The following HPSE2 variants were observed in gnomAD, a reference collection of about 807,000 sequenced individuals.
HPSE2 encodes inactive heparanase-2.
Under a neutral mutation model 60.5 loss-of-function variants are expected in HPSE2, and 38 were observed. The ratio of observed to expected loss-of-function variants is 0.63; its 90% confidence interval spans 0.48 to 0.82. The LOEUF (loss-of-function observed/expected upper bound fraction) is 0.82. Among genes scored for constraint, HPSE2 ranks in the 40% least tolerant of loss-of-function variants. The probability of loss-of-function intolerance (pLI) is 0.00; values close to 1 mark genes in which losing one functional copy is unlikely to be tolerated. For synonymous variants in HPSE2, 295 were observed against 293.2 expected (o/e 1.01, Z -0.06); for missense variants, 713 against 740.4 (o/e 0.96, Z 0.43).
chr10:98,810,568 G>A (rs1404468939), intron 3 of HPSE2, among the ~76,000 whole-genome samples: 3 of 152,012 alleles, frequency 2.0e-5, no homozygotes, highest in Admixed American at 1.3e-4. Context: ...TGAAGTATGA[G>A]CTTCATTAAC....
the HPSE2 span, among the ~76,000 whole-genome samples, chr10:99,266,154 G>A: frequency 3.9e-5 from 6 of 152,132 alleles, no homozygotes; most frequent in Non-Finnish European, 7.4e-5. Flanking sequence ...GGAGTGAATC[G>A]CCAGCGCAGA....
chr10:99,052,890 C>T (rs934295256), intron 3 of HPSE2, among the ~76,000 whole-genome samples: 8 of 151,772 alleles, frequency 5.3e-5, no homozygotes, highest in Non-Finnish European at 8.8e-5. Flanking sequence ...CTTGAAAAAA[C>T]ACACACTTCA....
At chr10:98,953,350 A>G (rs1414949477) in intron 3 of HPSE2, among the ~76,000 whole-genome samples, 3 of 152,126 alleles carry the variant, frequency 2.0e-5, no homozygotes, top group Non-Finnish European at 1.5e-5. Flanking sequence ...TGTCTAATCC[A>G]GTTCTGCCAC....
intron 3 of HPSE2, among the ~76,000 whole-genome samples, chr10:98,918,876 C>A (rs909652177): frequency 6.6e-6 from 1 of 151,906 alleles, no homozygotes; most frequent in Non-Finnish European, 1.5e-5. Flanking sequence ...AAAAAAGACT[C>A]TGTAGTACAT....
rs531444246 is a variant in HPSE2, at chr10:98,986,975, A to C, written c.610+157263T>G. Among the ~76,000 whole-genome samples the C allele has an allele frequency of 6.6e-4, 100 of 152,284 alleles. 1 individual carries two copies. In the South Asian group the frequency reaches 0.02, roughly 30 times the overall value. ...CTGAGTCTCTGAACAGACCAATAGCAGGCTCCGAAATCGAGGCAATAATTA... is the reference window on the plus strand; with the variant it reads ...CTGAGTCTCTGAACAGACCAATAGCCGGCTCCGAAATCGAGGCAATAATTA... On this transcript the variant is annotated intron_variant, in intron 3 of 11. Transcript: ENST00000370552.
chr10:98,535,170 T>C (rs1943245756), intron 9 of HPSE2, among the ~76,000 whole-genome samples: 1 of 152,204 alleles, frequency 6.6e-6, no homozygotes, highest in African/African-American at 2.4e-5. Flanking sequence ...AGCTTTTAGA[T>C]AATAATGAAC....
chr10:98,797,496 T>C (rs938501952), intron 3 of HPSE2, among the ~76,000 whole-genome samples: 3 of 151,886 alleles, frequency 2.0e-5, no homozygotes, highest in Non-Finnish European at 4.4e-5. Context: ...ATCTACGAAA[T>C]AACCTCAAAA....
chr10:98,462,072 T>G (rs1490572854), intron 11 of HPSE2, among the ~76,000 whole-genome samples: 2 of 152,210 alleles, frequency 1.3e-5, no homozygotes. Context: ...GTAAGAACGT[T>G]ATATAGGCAC....
At chr10:98,887,671 A>T (rs1953204782) in intron 3 of HPSE2, among the ~76,000 whole-genome samples, 1 of 152,134 alleles carries the variant, frequency 6.6e-6, no homozygotes, top group South Asian at 2.1e-4. Context: ...GGGAGGAGGG[A>T]CAGACATAAT....
chr10:99,212,800 A>G (rs763403802), intron 2 of HPSE2, among the ~76,000 whole-genome samples: 1 of 152,184 alleles, frequency 6.6e-6, no homozygotes, highest in African/African-American at 2.4e-5. Context: ...CAGAAAAATT[A>G]AAAAGTATGT....
intron 9 of HPSE2, among the ~76,000 whole-genome samples, chr10:98,547,639 A>T (rs1421063606): frequency 1.7e-5 from 2 of 114,502 alleles, no homozygotes; most frequent in African/African-American, 7.0e-5. Context: ...GGAACATCAC[A>T]CTCTGGGGAC....
At chr10:99,000,963 G>T (rs1477053877) in intron 3 of HPSE2, among the ~76,000 whole-genome samples, 2 of 152,036 alleles carry the variant, frequency 1.3e-5, no homozygotes, top group African/African-American at 4.8e-5. Flanking sequence ...ATACACCAAA[G>T]AAAGCATATG....
intron 3 of HPSE2, among the ~76,000 whole-genome samples, chr10:98,765,169 C>A (rs1218797800): frequency 6.6e-6 from 1 of 152,128 alleles, no homozygotes; most frequent in Non-Finnish European, 1.5e-5. Flanking sequence ...CTTAACCTAA[C>A]AGAAACTTGA....
intron 2 of HPSE2, among the ~76,000 whole-genome samples, chr10:99,201,578 A>G (rs1466110119): frequency 1.3e-5 from 2 of 152,176 alleles, no homozygotes; most frequent in Admixed American, 6.5e-5. Flanking sequence ...TTTCAAGGAA[A>G]GTCTTTTACA....
chr10:99,247,654 A>C, the HPSE2 span, among the ~76,000 whole-genome samples: 2 of 152,214 alleles, frequency 1.3e-5, no homozygotes, highest in Non-Finnish European at 2.9e-5. Context: ...CAAGACACAC[A>C]TCTCACACAT....
intron 3 of HPSE2, among the ~76,000 whole-genome samples, chr10:99,071,126 G>A (rs2135547907): frequency 6.7e-6 from 1 of 148,324 alleles, no homozygotes; most frequent in Admixed American, 6.8e-5. Context: ...CTGAAGTGCA[G>A]AGGCATGATC....
intron 3 of HPSE2, among the ~76,000 whole-genome samples, chr10:98,985,702 G>C (rs1956325577): frequency 6.6e-6 from 1 of 152,090 alleles, no homozygotes. Context: ...CTGGCAAATT[G>C]GATAAAGAGT....
the HPSE2 span, among the ~76,000 whole-genome samples, chr10:99,282,230 G>T: frequency 6.6e-6 from 1 of 152,062 alleles, no homozygotes; most frequent in African/African-American, 2.4e-5. Context: ...CTGCACTCCA[G>T]CCTGGGCAAC....
chr10:98,641,658 T>C lies in HPSE2; in HGVS notation c.1098+189A>G, dbSNP rs115702469. Among the ~76,000 whole-genome samples the C allele has an allele frequency of 0.027, 4,063 of 152,088 alleles. 206 individuals are homozygous for C. The highest frequency in any genetic ancestry group is 0.093 in the African/African-American group (3,854 of 41,456). On this transcript the variant is annotated intron_variant, in intron 7 of 11. Transcript: ENST00000370552. ...TATGGCACACACAGACCCTTTTCAA[T>C]TTGAAAAACAATAAATGACAGGCAA... is the stretch of plus-strand genomic sequence containing the variant.
Sources: gnomAD v4.1 joint callset for allele counts (sites outside exome capture counted in the v4.1 genomes callset) on GRCh38, gnomAD v4.1.1 for gene constraint, MANE v1.5 for transcripts, NCBI Gene and HGNC (gene_info 2026-07-23, HGNC 2026-07-21) for gene names.